ZNF844: variants seen among roughly 807,000 people sequenced by gnomAD.
ZNF844 encodes zinc finger protein 844.
ZNF844 carries 11 observed loss-of-function variants against 11.4 expected under a neutral mutation model. That is an observed-to-expected ratio of 0.97 (90% CI 0.61 to 1.60). ZNF844 has a LOEUF of 1.60. ZNF844 is among the 40% of genes most tolerant of loss of function. ZNF844 has a pLI of 0.00. For synonymous variants in ZNF844, 248 were observed against 260.3 expected, an observed-to-expected ratio of 0.95 and a Z score of 0.46; for missense variants, 790 against 796.8, an observed-to-expected ratio of 0.99 and a Z score of 0.10.
chr19:12,079,515 A>T lies in ZNF844; in HGVS notation c.*2394A>T, dbSNP rs1162524977. On this transcript the variant is annotated 3_prime_UTR_variant, in exon 4 of 4. Coordinates refer to ENST00000439326, the MANE Select transcript of ZNF844 (RefSeq NM_001136501.3). ...TCTACCAAAAATACAAAAATTAGCC[A>T]GGCATGGTGGCGCGTGCCTGTAGTC... 6.6e-6 allele frequency: 1 copy of T among 151,956 alleles called. No individual in the cohort carries two copies. Among genetic ancestry groups the T allele is most frequent in the East Asian group, 1.9e-4 (1 of 5,146 alleles). The allele number at this position is 151,956 out of a possible 1,614,324, so 9.4% of individuals were successfully genotyped here.
rs17001759 is a variant in ZNF844 at position 12,080,639 on chromosome 19, A to G, written c.*3518A>G. 4.8e-3 allele frequency: 753 copies of G among 156,258 alleles called. 7 individuals are homozygous for G. The highest frequency in any genetic ancestry group is 0.018 in the African/African-American group (733 of 41,628). 9.7% of individuals were successfully genotyped at this position (156,258 alleles called of 1,614,324 possible). A position where few individuals can be genotyped will look rare whatever the true frequency, so the allele number is the denominator to read the frequency against. On this transcript the variant is annotated 3_prime_UTR_variant, in exon 4 of 4. Transcript: ENST00000439326. ...GGGTAAAGGTGTCTTCAGAAGCTCC[A>G]CATTAAAGATCCATCAGTGGTTAAG... is the stretch of plus-strand genomic sequence containing the variant.
At position 12,077,183 on chromosome 19, in the gene ZNF844, T is replaced by C. The variant is rs2145550688; in HGVS notation, c.*62T>C. 6.2e-7 allele frequency: 1 copy of C among 1,604,164 alleles called. No individual in the cohort carries two copies. The highest frequency in any genetic ancestry group is 8.5e-7 in the Non-Finnish European group (1 of 1,175,798). On this transcript the variant is annotated 3_prime_UTR_variant, in exon 4 of 4. Coordinates refer to ENST00000439326, the MANE Select transcript of ZNF844 (RefSeq NM_001136501.3). ...CTTCTTCTGGTTCCTTTCAGTGTCATAAAAGGATTCACACTGGAGAGAAAC... is the reference window on the plus strand; with the variant it reads ...CTTCTTCTGGTTCCTTTCAGTGTCACAAAAGGATTCACACTGGAGAGAAAC...
rs1372356306 is a variant in ZNF844, at chr19:12,081,020, G to T, written c.*3899G>T. 1.3e-5 allele frequency: 2 copies of T among 152,254 alleles called. No individual in the cohort carries two copies. The highest frequency in any genetic ancestry group is 4.8e-5 in the African/African-American group (2 of 41,440). The allele number at this position is 152,254 out of a possible 1,614,324, so 9.4% of individuals were successfully genotyped here. A position where few individuals can be genotyped will look rare whatever the true frequency, so the allele number is the denominator to read the frequency against. On this transcript the variant is annotated 3_prime_UTR_variant, in exon 4 of 4. Transcript: ENST00000439326. ...TCCGTCTGTCTTGGCCTTTCAAAAT[G>T]CTGGGATTATAGGCGTGATCCACTG...
At chr19:12,067,709 G>T (rs1975705381) in intron 1 of ZNF844, among the ~76,000 whole-genome samples, 1 of 150,542 alleles carries the variant, frequency 6.6e-6, no homozygotes, top group Non-Finnish European at 1.5e-5. Context: ...GAGGTCAGGA[G>T]ATTGAGACCA....
chr19:12,076,683 C>A lies in ZNF844; in HGVS notation c.1563C>A (p.Cys521Ter), dbSNP rs758485608. 50 of 1,613,988 alleles carry A rather than the reference C, an allele frequency of 3.1e-5. No homozygotes were observed. Among genetic ancestry groups the A allele is most frequent in the Middle Eastern group, 3.3e-4 (2 of 6,060 alleles). ...KPSHLPHTFK[C>*]MKGLTLESNC... is the part of the protein sequence containing the mutation. The stretch of plus-strand genomic sequence containing the variant: ...CACATCTGCCTCACACCTTCAAATG[C>A]ATGAAAGGACTCACACTGGAAAGCA... Residue 521 changes from cysteine to a stop codon, truncating the protein, a stop_gained, in exon 4 of 4, where the codon TGC (cysteine) becomes TGA (stop). Coordinates refer to ENST00000439326, the MANE Select transcript of ZNF844 (RefSeq NM_001136501.3). LOFTEE classifies it low-confidence loss of function (END_TRUNC).
chr19:12,073,969 G>T (rs1204589191), intron 1 of ZNF844, 62 bp from the exon 2 acceptor site: 1 of 1,560,156 alleles, frequency 6.4e-7, no homozygotes, highest in Non-Finnish European at 8.7e-7. Flanking sequence ...TTAGGAAGAG[G>T]GTATAGACCC....
Position 12,080,160 on chromosome 19 carries a change from G to A in ZNF844, c.*3039G>A, listed in dbSNP as rs60383018. The A allele has an allele frequency of 0.013, 2,447 of 183,980 alleles. 58 individuals carry two copies. The highest frequency in any genetic ancestry group is 0.047 in the African/African-American group (1,973 of 41,618). 11.4% of individuals were successfully genotyped at this position (183,980 alleles called of 1,614,324 possible). On this transcript the variant is annotated 3_prime_UTR_variant, in exon 4 of 4. Transcript: ENST00000439326. ...TCAGGAGATCAAGACCATCCTGGCT[G>A]ACACGGTGAAACCCCGTCTCTACTA...
At position 12,075,451 on chromosome 19, in the gene ZNF844, G is replaced by A; in HGVS notation, c.331G>A (p.Val111Ile). The A allele has an allele frequency of 6.2e-7, 1 of 1,612,622 alleles. No homozygotes were observed. The change falls in exon 4 of 4, where the codon GTC becomes ATC. Residue 111 changes from valine to isoleucine, a missense_variant. Val to Ile is a conservative substitution (Grantham distance 29). Around this residue, in one of 3 missense-constraint regions of ZNF844, gnomAD observed 129 missense variants for 144.0 expected, o/e 0.90. Coordinates refer to ENST00000439326, the MANE Select transcript of ZNF844 (RefSeq NM_001136501.3). ...ATGTGAAAGCAGTGTGTGTGGAGAA[G>A]TCTTCGTGGGTCATTCTTCCCTTAA... ...KSCESSVCGE[V>I]FVGHSSLNRH...
chr19:12,077,606 A>G lies in ZNF844; in HGVS notation c.*485A>G, dbSNP rs570184344. On this transcript the variant is annotated 3_prime_UTR_variant, in exon 4 of 4. Coordinates refer to ENST00000439326, the MANE Select transcript of ZNF844 (RefSeq NM_001136501.3). ...CTGCCACTCAACTTCAGATGCATAG[A>G]AAGATTCACACTGGCGAGAAACCCT... 431 of 561,156 alleles carry G rather than the reference A, an allele frequency of 7.7e-4. 2 individuals are homozygous for G. The highest frequency in any genetic ancestry group is 7.1e-3 in the African/African-American group (373 of 52,340). 34.8% of individuals were successfully genotyped at this position (561,156 alleles called of 1,614,324 possible).
At chr19:12,066,928 T>G (rs975051321) in intron 1 of ZNF844, among the ~76,000 whole-genome samples, 2 of 152,208 alleles carry the variant, frequency 1.3e-5, no homozygotes, top group African/African-American at 4.8e-5. Context: ...AGCAGTTGGC[T>G]AGATCTCTTT....
rs1048329016 is a variant in ZNF844, at chr19:12,080,506, G to A, written c.*3385G>A. The A allele has an allele frequency of 8.7e-6, 2 of 230,042 alleles. No individual in the cohort carries two copies. The highest frequency in any genetic ancestry group is 8.9e-5 in the South Asian group (2 of 22,462). The allele number at this position is 230,042 out of a possible 1,614,324, so 14.3% of individuals were successfully genotyped here. ...GTCACATTTTAGAGGCACCAAACAG[G>A]TGCCACATCCATACAGGCTGACTCC... On this transcript the variant is annotated 3_prime_UTR_variant, in exon 4 of 4. Transcript: ENST00000439326.
At position 12,076,329 on chromosome 19, in the gene ZNF844, TC is replaced by T. The variant is rs773332447; in HGVS notation, c.1211del (p.Pro404GlnfsTer7). On this transcript the variant is annotated frameshift_variant, in exon 4 of 4. Coordinates refer to ENST00000439326, the MANE Select transcript of ZNF844 (RefSeq NM_001136501.3). LOFTEE classifies it low-confidence loss of function (END_TRUNC). ...GCACTGTGGTAAAGCCTTCAATCGT[TC>T]CAGTTCCTTTCACTATCATGAAAGG... ...ASTVVKPSIV[P>X]VPFTIMKGLT... The T allele has an allele frequency of 3.7e-6, 6 of 1,613,604 alleles. No homozygotes were observed. In the South Asian group the frequency reaches 5.5e-5, roughly 15 times the overall value.
At chr19:12,065,407 G>A (rs1407965541) in intron 1 of ZNF844, among the ~76,000 whole-genome samples, 2 of 152,052 alleles carry the variant, frequency 1.3e-5, no homozygotes, top group African/African-American at 4.8e-5. Flanking sequence ...CTGCTGTCGT[G>A]TTTTTGTTCA....
At position 12,076,694 on chromosome 19, in the gene ZNF844, T is replaced by C. The variant is rs766742452; in HGVS notation, c.1574T>C (p.Leu525Pro). ...CACACCTTCAAATGCATGAAAGGAC[T>C]CACACTGGAAAGCAACTGTATGAAT... is the stretch of plus-strand genomic sequence containing the variant. ...LPHTFKCMKG[L>P]TLESNCMNLN... Residue 525 changes from leucine to proline, a missense_variant, in exon 4 of 4, where the codon CTC becomes CCC. Leu to Pro is a moderately conservative substitution (Grantham distance 98, BLOSUM62 -3). This residue lies in a region of ZNF844 where 657 missense variants were observed against 636.2 expected (regional missense o/e 1.03). Transcript: ENST00000439326. The C allele has an allele frequency of 6.2e-7, 1 of 1,613,876 alleles. No individual in the cohort carries two copies. Among genetic ancestry groups the C allele is most frequent in the Non-Finnish European group, 8.5e-7 (1 of 1,179,972 alleles).
rs745886539 is a variant in ZNF844 at position 12,076,418 on chromosome 19, T to C, written c.1298T>C (p.Leu433Pro). Residue 433 changes from leucine to proline, a missense_variant, in exon 4 of 4, where the codon CTT (leucine) becomes CCT (proline). Physicochemically the swap from Leu to Pro is moderately conservative, Grantham distance 98 (BLOSUM62 -3). Around this residue, in one of 3 missense-constraint regions of ZNF844, gnomAD observed 657 missense variants for 636.2 expected, o/e 1.03. Transcript: ENST00000439326. ...SSVVKPSFLP[L>P]PFDIMKGLTL... is the part of the protein sequence containing the mutation. ...GTAGTAAAGCCTTCATTTCTTCCAC[T>C]TCCTTTCGATATCATGAAAGGACTC... 5 of 1,609,960 alleles carry C rather than the reference T, an allele frequency of 3.1e-6. No individual in the cohort carries two copies. In the South Asian group the frequency reaches 5.5e-5, roughly 18 times the overall value.
In ZNF844 at chr19:12,077,181, C is replaced by A; in HGVS notation, c.*60C>A. On this transcript the variant is annotated 3_prime_UTR_variant, in exon 4 of 4. Transcript: ENST00000439326. ...CACTTCTTCTGGTTCCTTTCAGTGT[C>A]ATAAAAGGATTCACACTGGAGAGAA... is the stretch of plus-strand genomic sequence containing the variant. 1 of 1,603,406 alleles carries A rather than the reference C, an allele frequency of 6.2e-7. No individual in the cohort carries two copies. Among genetic ancestry groups the A allele is most frequent in the East Asian group, 2.2e-5 (1 of 44,772 alleles).
In ZNF844 at chr19:12,076,458, C is replaced by T; in HGVS notation, c.1338C>T (p.Asn446=). Residue 446 remains asparagine, a synonymous_variant, in exon 4 of 4, where the codon AAC becomes AAT. Transcript: ENST00000439326. ...TGAAAGGACTCACACTGGAGAGAAA[C>T]CGTATGAGTGTAAGCAATGTGGGAA... ...DIMKGLTLER[N]RMSVSNVGKP... 1 of 1,613,528 alleles carries T rather than the reference C, an allele frequency of 6.2e-7. No homozygotes were observed. The highest frequency in any genetic ancestry group is 1.1e-5 in the South Asian group (1 of 91,066).
At chr19:12,065,411 T>C (rs1975677007) in intron 1 of ZNF844, among the ~76,000 whole-genome samples, 1 of 152,132 alleles carries the variant, frequency 6.6e-6, no homozygotes. Context: ...TGTCGTGTTT[T>C]TGTTCACATC....
chr19:12,069,825 C>T (rs1400323972), intron 1 of ZNF844, among the ~76,000 whole-genome samples: 2 of 151,504 alleles, frequency 1.3e-5, no homozygotes, highest in African/African-American at 2.4e-5. Context: ...CGTGGTGGCA[C>T]GTGCCTGTAG....
Sources: allele counts gnomAD v4.1 joint callset (sites outside exome capture counted in the v4.1 genomes callset), GRCh38; gene constraint gnomAD v4.1.1; regional missense constraint gnomAD v4.1.1; transcripts MANE v1.5; gene names NCBI Gene and HGNC (gene_info 2026-07-23, HGNC 2026-07-21).